Variants in AMZ2 observed in about 807,000 individuals in gnomAD.
AMZ2 encodes archaemetzincin-2.
In AMZ2, 26 loss-of-function variants were observed where a neutral mutation model predicts 36.7. The ratio of observed to expected loss-of-function variants is 0.71; its 90% CI spans 0.52 to 0.98. The LOEUF (loss-of-function observed/expected upper bound fraction) is 0.98. Among genes scored for constraint, AMZ2 ranks in the 50% least tolerant of loss-of-function variants. AMZ2 has a pLI of 0.00. For synonymous variants in AMZ2, 144 were observed against 149.1 expected, an observed-to-expected ratio of 0.97 and a Z score of 0.25; for missense variants, 394 against 430.5, an observed-to-expected ratio of 0.92 and a Z score of 0.75.
chr17:68,220,620 A>AT (rs2073321807), intron 1 of AMZ2, among the ~76,000 whole-genome samples: 2 of 152,106 alleles, frequency 1.3e-5, no homozygotes, highest in African/African-American at 4.8e-5. Flanking sequence ...ATGGAGTTGA[A>AT]TTTAAGATGC....
intron 6 of AMZ2, among the ~76,000 whole-genome samples, chr17:68,256,309 G>T (rs1216394718): frequency 6.6e-6 from 1 of 152,202 alleles, no homozygotes; most frequent in Non-Finnish European, 1.5e-5. Flanking sequence ...CCTAATCTCA[G>T]TATGTGTGTG....
chr17:68,222,900 G>T (rs781964537), intron 1 of AMZ2, among the ~76,000 whole-genome samples: 8 of 152,160 alleles, frequency 5.3e-5, no homozygotes, highest in Non-Finnish European at 1.2e-4. Flanking sequence ...CTGTGGCCCA[G>T]AGGTTGGGGA....
At position 68,251,096 on chromosome 17, in the gene AMZ2, C is replaced by G. The variant is rs201763508; in HGVS notation, c.504C>G (p.Phe168Leu). Residue 168 changes from phenylalanine to leucine, a missense_variant, in exon 4 of 7, where the codon TTC becomes TTG. Coordinates refer to ENST00000359904, the MANE Select transcript of AMZ2 (RefSeq NM_016627.5). The part of the protein sequence containing the change: ...FLKKKKPEDA[F>L]CVVGITMIDL... ...AAAAGAAGAAACCTGAAGATGCCTT[C>G]TGTGTTGTGGGAATAACAATGATTG... 57 of 1,613,206 alleles carry G rather than the reference C, an allele frequency of 3.5e-5. No homozygotes were observed. In the East Asian group the frequency reaches 1.2e-3, roughly 35 times the overall value.
In AMZ2 at chr17:68,235,775, G is replaced by A. The variant is rs2073771491; in HGVS notation, c.-66-12865G>A. Reference sequence around the variant, plus strand: ...CTTTTTGGTACGTGCTGTGCCCTCAGCCTGGGCTGCCGTGGACTGGCCGTC... The same window carrying A: ...CTTTTTGGTACGTGCTGTGCCCTCAACCTGGGCTGCCGTGGACTGGCCGTC... On this transcript the variant is annotated intron_variant, in intron 1 of 7. Coordinates refer to the AMZ2 transcript ENST00000674770. The surrounding 1 kb of genome is among the most constrained non-coding windows in gnomAD (Gnocchi z 4.2). Among the ~76,000 whole-genome samples the A allele has an allele frequency of 6.6e-6, 1 of 152,084 alleles. No individual in the cohort carries two copies. The highest frequency in any genetic ancestry group is 2.1e-4 in the South Asian group (1 of 4,826).
upstream of AMZ2, among the ~76,000 whole-genome samples, chr17:68,244,070 T>A (rs1289311680): frequency 6.6e-6 from 1 of 152,176 alleles, no homozygotes; most frequent in Non-Finnish European, 1.5e-5. Context: ...ATAAATAAAT[T>A]GTGAATAACA....
intron 4 of AMZ2, among the ~76,000 whole-genome samples, chr17:68,252,812 C>T (rs1287176662): frequency 2.0e-5 from 3 of 152,114 alleles, no homozygotes; most frequent in Non-Finnish European, 4.4e-5. Flanking sequence ...GTGTGAGTCA[C>T]CACACCCAGC....
chr17:68,246,215 AAAATT>A (rs2074004779), upstream of AMZ2, among the ~76,000 whole-genome samples: 1 of 150,710 alleles, frequency 6.6e-6, no homozygotes, highest in Non-Finnish European at 1.5e-5. Context: ...AAAAAAAAAA[AAAATT>A]AGCCGGGCGT....
intron 5 of AMZ2, among the ~76,000 whole-genome samples, chr17:68,254,861 A>G (rs73998058): frequency 0.038 from 5,766 of 152,202 alleles, 360 homozygotes; most frequent in African/African-American, 0.13. Flanking sequence ...CTACTTTTTC[A>G]AGCTACTGTG....
At chr17:68,222,193 G>A (rs568426510) in intron 1 of AMZ2, among the ~76,000 whole-genome samples, 31 of 152,336 alleles carry the variant, frequency 2.0e-4, no homozygotes, top group Non-Finnish European at 3.4e-4. Flanking sequence ...GAAATAGGAC[G>A]TCTAGGGGGA....
chr17:68,227,081 C>G (rs568569458), intron 1 of AMZ2, among the ~76,000 whole-genome samples: 1 of 151,728 alleles, frequency 6.6e-6, no homozygotes, highest in African/African-American at 2.4e-5. Flanking sequence ...GAACTGGAAC[C>G]CTTGTGTACA....
intron 1 of AMZ2, among the ~76,000 whole-genome samples, chr17:68,217,275 T>C (rs1309290284): frequency 6.6e-6 from 1 of 152,210 alleles, no homozygotes; most frequent in Non-Finnish European, 1.5e-5. Flanking sequence ...GGAAATCAAA[T>C]ATTCTGTTTT....
chr17:68,248,382 A>G lies in AMZ2; in HGVS notation c.-324A>G, dbSNP rs1424182963. ...TGGAGACTGGGTTGTGTCTGCATGG[A>G]CCAGAGCCCACAGTGCGAGTTGCTA... On this transcript the variant is annotated 5_prime_UTR_variant, in exon 1 of 7. Coordinates refer to ENST00000359904, the MANE Select transcript of AMZ2 (RefSeq NM_016627.5). The G allele has an allele frequency of 1.0e-5, 10 of 985,948 alleles. No individual in the cohort carries two copies. In the African/African-American group the frequency reaches 1.7e-4, roughly 17 times the overall value. 61.1% of individuals were successfully genotyped at this position (985,948 alleles called of 1,614,324 possible). A position where few individuals can be genotyped will look rare whatever the true frequency, so the allele number is the denominator to read the frequency against.
chr17:68,220,714 A>G (rs1223872757), intron 1 of AMZ2, among the ~76,000 whole-genome samples: 5 of 151,846 alleles, frequency 3.3e-5, no homozygotes, highest in East Asian at 3.9e-4. Flanking sequence ...AAATGCTCCA[A>G]CCCTTCAGAG....
intron 1 of AMZ2, among the ~76,000 whole-genome samples, chr17:68,223,894 A>ATTT (rs1568350601): frequency 0.01 from 1,016 of 96,908 alleles, 12 homozygotes; most frequent in African/African-American, 0.043. Context: ...TTATATATAT[A>ATTT]TATATTTTTT....
upstream of AMZ2, chr17:68,248,011 G>A (rs1275514576): frequency 2.0e-6 from 2 of 986,150 alleles, no homozygotes; most frequent in African/African-American, 3.5e-5. Context: ...CGTGGCGTAA[G>A]GGGCGTGGCG....
Position 68,256,933 on chromosome 17 carries a change from G to T in AMZ2, c.1047G>T (p.Glu349Asp), listed in dbSNP as rs1217337868. ...KPVEAFKEWK[E>D]WIIKCLAVLQ... ...TGGAAGCCTTTAAGGAATGGAAAGA[G>T]TGGATAATAAAATGCCTGGCTGTTC... The change falls in exon 7 of 7, where the codon GAG becomes GAT. Residue 349 changes from glutamate to aspartate, a missense_variant. Coordinates refer to ENST00000359904, the MANE Select transcript of AMZ2 (RefSeq NM_016627.5). 45 of 1,613,950 alleles carry T rather than the reference G, an allele frequency of 2.8e-5. No individual in the cohort carries two copies. Among genetic ancestry groups the T allele is most frequent in the Non-Finnish European group, 3.6e-5 (42 of 1,179,986 alleles).
intron 1 of AMZ2, among the ~76,000 whole-genome samples, chr17:68,217,231 A>G (rs2073221944): frequency 7.2e-6 from 1 of 139,826 alleles, no homozygotes; most frequent in Admixed American, 7.1e-5. Flanking sequence ...TCAGATGACA[A>G]ATACCTGTGG....
At chr17:68,209,829 C>T (rs1555725490) in intron 1 of AMZ2, among the ~76,000 whole-genome samples, 1 of 151,340 alleles carries the variant, frequency 6.6e-6, no homozygotes, top group East Asian at 1.9e-4. Flanking sequence ...CCATGTTGGC[C>T]AGGCTGGTCT....
At position 68,235,306 on chromosome 17, in the gene AMZ2, A is replaced by G. The variant is rs1325526563; in HGVS notation, c.-66-13334A>G. 6.6e-6 allele frequency among the ~76,000 whole-genome samples: 1 copy of G among 152,224 alleles called. No homozygotes were observed. Among genetic ancestry groups the G allele is most frequent in the Non-Finnish European group, 1.5e-5 (1 of 68,034 alleles). ...CCTGGTTATTGGGCACCTTCTGGTA[A>G]TAAACAGTTGAAAGGAGCTGTTCCC... On this transcript the variant is annotated intron_variant, in intron 1 of 7. Transcript: ENST00000674770. This position sits in a 1 kb window ranked among gnomAD's most constrained non-coding sequence, Gnocchi z 4.2.
Sources: gnomAD v4.1 joint callset for allele counts (sites outside exome capture counted in the v4.1 genomes callset) on GRCh38, gnomAD v4.1.1 for gene constraint, Gnocchi (gnomAD v3.1) non-coding constraint, MANE v1.5 for transcripts, NCBI Gene and HGNC (gene_info 2026-07-23, HGNC 2026-07-21) for gene names.